ADGRB3: variants seen among roughly 807,000 people sequenced by gnomAD.
ADGRB3 encodes brain-specific angiogenesis inhibitor 3.
A neutral mutation model predicts 193.4 loss-of-function variants in ADGRB3; 37 were observed. That is an observed-to-expected ratio of 0.19 (90% CI 0.15 to 0.25). The LOEUF is 0.25. Ranked by LOEUF, ADGRB3 falls within the 10% of genes least tolerant of loss-of-function variation. The pLI is 1.00. For missense variants in ADGRB3, 1,637 were observed against 1,852.9 expected (o/e 0.88, Z 2.14); for synonymous variants, 690 against 644.2 (o/e 1.07, Z -1.08).
chr6:69,043,321 A>AAAGG (rs1491381704), intron 13 of ADGRB3, among the ~76,000 whole-genome samples: 1 of 51,928 alleles, frequency 1.9e-5, no homozygotes, highest in Non-Finnish European at 4.9e-5. Flanking sequence ...AGAAAGAAAG[A>AAAGG]AAGAAAGAAA....
At chr6:69,053,632 C>G (rs191788342) in intron 15 of ADGRB3, among the ~76,000 whole-genome samples, 24 of 152,260 alleles carry the variant, frequency 1.6e-4, no homozygotes, top group Admixed American at 1.6e-3. Flanking sequence ...CATGTCCAGC[C>G]CAGTTCAGAG....
chr6:68,807,890 A>C (rs1213066917), intron 3 of ADGRB3, among the ~76,000 whole-genome samples: 1 of 152,126 alleles, frequency 6.6e-6, no homozygotes, highest in Non-Finnish European at 1.5e-5. Flanking sequence ...GGAGATAAGA[A>C]AACATTTATT....
chr6:68,853,954 C>G (rs1204705606), intron 3 of ADGRB3, among the ~76,000 whole-genome samples: 1 of 152,008 alleles, frequency 6.6e-6, no homozygotes, highest in African/African-American at 2.4e-5. Context: ...TTTCTTTGAC[C>G]CAGTCCTGTA....
At chr6:68,679,052 T>C (rs1234054989) in intron 3 of ADGRB3, among the ~76,000 whole-genome samples, 3 of 152,210 alleles carry the variant, frequency 2.0e-5, no homozygotes, top group Admixed American at 1.3e-4. Context: ...TTACATTCTA[T>C]AAATTATTTC....
At chr6:69,028,229 T>G (rs1770495939) in intron 13 of ADGRB3, among the ~76,000 whole-genome samples, 1 of 152,214 alleles carries the variant, frequency 6.6e-6, no homozygotes, top group Admixed American at 6.5e-5. Context: ...TTGTGTGACT[T>G]TTTTAATTGG....
At chr6:68,660,884 T>C (rs1768614109) in intron 3 of ADGRB3, among the ~76,000 whole-genome samples, 1 of 151,154 alleles carries the variant, frequency 6.6e-6, no homozygotes, top group Non-Finnish European at 1.5e-5. Flanking sequence ...ACACAATTTA[T>C]ATGAAATAAG....
intron 3 of ADGRB3, among the ~76,000 whole-genome samples, chr6:68,749,515 A>G (rs1766154767): frequency 6.6e-6 from 1 of 151,618 alleles, no homozygotes; most frequent in Admixed American, 6.6e-5. Context: ...ACAGTATTGC[A>G]TGTAAATTTG....
chr6:68,929,802 C>G (rs1484789752), intron 3 of ADGRB3, among the ~76,000 whole-genome samples: 1 of 151,936 alleles, frequency 6.6e-6, no homozygotes, highest in African/African-American at 2.4e-5. Context: ...TAATTTTTTT[C>G]TTTCTTCCAT....
At chr6:69,081,122 A>G (rs1024275214) in intron 17 of ADGRB3, among the ~76,000 whole-genome samples, 4 of 152,044 alleles carry the variant, frequency 2.6e-5, no homozygotes, top group African/African-American at 4.8e-5. Context: ...GCAGAAGCAG[A>G]TAAGTTAAAT....
At chr6:68,776,377 T>C (rs982162838) in intron 3 of ADGRB3, among the ~76,000 whole-genome samples, 5 of 152,212 alleles carry the variant, frequency 3.3e-5, no homozygotes, top group Admixed American at 3.3e-4. Flanking sequence ...TAAAGTTTCA[T>C]ATGCCTTGTG....
intron 17 of ADGRB3, among the ~76,000 whole-genome samples, chr6:69,169,360 T>C (rs758408119): frequency 5.9e-5 from 9 of 152,048 alleles, no homozygotes; most frequent in African/African-American, 2.2e-4. Flanking sequence ...ACTTACCTAT[T>C]TTTTTGGCCA....
At chr6:69,178,143 T>C (rs1302905148) in intron 17 of ADGRB3, among the ~76,000 whole-genome samples, 1 of 152,202 alleles carries the variant, frequency 6.6e-6, no homozygotes, top group Non-Finnish European at 1.5e-5. Context: ...ACTTGGAATA[T>C]ATGCATCTTT....
rs570393942 is a variant in ADGRB3, at chr6:68,984,913, C to G, written c.1735-8855C>G. On this transcript the variant is annotated intron_variant, in intron 10 of 31. Transcript: ENST00000370598. ...TTCATCTGATGGATTTTTTTTTTCT[C>G]CATTTAGTATGAGGCAGGATCATTA... 1.5e-3 allele frequency among the ~76,000 whole-genome samples: 226 copies of G among 151,172 alleles called. 1 individual carries two copies. The highest frequency in any genetic ancestry group is 3.1e-3 in the African/African-American group (129 of 41,262).
chr6:68,888,056 G>C (rs1765958703), intron 3 of ADGRB3, among the ~76,000 whole-genome samples: 1 of 152,080 alleles, frequency 6.6e-6, no homozygotes, highest in South Asian at 2.1e-4. Context: ...GTTACTTAAA[G>C]AGTATAAAAA....
chr6:69,386,254 G>T (rs988145046), intron 31 of ADGRB3, among the ~76,000 whole-genome samples: 1 of 152,038 alleles, frequency 6.6e-6, no homozygotes, highest in Non-Finnish European at 1.5e-5. Flanking sequence ...CATAACAGTT[G>T]ATCTTTGAAA....
In ADGRB3 at chr6:69,081,909, T is replaced by C. The variant is rs139050304; in HGVS notation, c.2480+5871T>C. ...TGCTGCATCATGCCCTCAACACAAA[T>C]TCTCTGGTCTAACATTAGGAATCAA... On this transcript the variant is annotated intron_variant, in intron 17 of 31. Transcript: ENST00000370598. 9.9e-5 allele frequency among the ~76,000 whole-genome samples: 15 copies of C among 152,218 alleles called. No homozygotes were observed. The East Asian group carries it at 2.9e-3, about 29-fold the overall frequency.
chr6:69,100,969 G>GGGAAGGAA (rs370758352), intron 17 of ADGRB3, among the ~76,000 whole-genome samples: 7 of 112,168 alleles, frequency 6.2e-5, no homozygotes, highest in African/African-American at 9.9e-5. Flanking sequence ...GAGGGAGAAA[G>GGGAAGGAA]GGAAGGAAGG....
At chr6:69,029,419 A>G (rs888856883) in intron 13 of ADGRB3, among the ~76,000 whole-genome samples, 1 of 152,244 alleles carries the variant, frequency 6.6e-6, no homozygotes, top group Non-Finnish European at 1.5e-5. Context: ...GAGAGAGGGC[A>G]TAAATAGAGG....
At chr6:69,203,519 G>T (rs184276516) in intron 17 of ADGRB3, among the ~76,000 whole-genome samples, 17 of 151,164 alleles carry the variant, frequency 1.1e-4, no homozygotes, top group Admixed American at 9.3e-4. Context: ...TATTGGAGTT[G>T]GTAAGAAGTC....
Sources: gnomAD v4.1 joint callset for allele counts (sites outside exome capture counted in the v4.1 genomes callset) on GRCh38, gnomAD v4.1.1 for gene constraint, MANE v1.5 for transcripts, NCBI Gene and HGNC (gene_info 2026-07-23, HGNC 2026-07-21) for gene names.